SNX32: variants seen among roughly 807,000 people sequenced by gnomAD.
SNX32 encodes the protein sorting nexin-32.
SNX32 carries 58 observed loss-of-function variants against 57.0 expected under a neutral mutation model. The observed-to-expected ratio is 1.02, with a 90% CI of 0.82 to 1.27. SNX32 has a LOEUF of 1.27. SNX32 is among the 50% of genes most tolerant of loss of function. The probability of loss-of-function intolerance (pLI) is 0.00; values close to 1 mark genes in which losing one functional copy is unlikely to be tolerated. For missense variants in SNX32, 589 were observed against 541.2 expected, an observed-to-expected ratio of 1.09 and a Z score of -0.88; for synonymous variants, 262 against 220.4, an observed-to-expected ratio of 1.19 and a Z score of -1.67.
chr11:65,834,464 CTG>C (rs1238149513), intron 1 of SNX32, among the ~76,000 whole-genome samples: 2 of 144,406 alleles, frequency 1.4e-5, no homozygotes, highest in Non-Finnish European at 3.0e-5. Flanking sequence ...CTGTGTGTGT[CTG>C]TGTGTGTGCA....
At chr11:65,849,627 CAGG>C (rs777806347) in intron 2 of SNX32, 45 bp downstream of exon 2, 1 of 1,434,072 alleles carries the variant, frequency 7.0e-7, no homozygotes. Flanking sequence ...TGGCTGCCCG[CAGG>C]AGGCCTCCCC....
rs144634991 is a variant in SNX32, at chr11:65,852,773, C to A, written c.1056C>A (p.Ser352=). 6.2e-7 allele frequency: 1 copy of A among 1,609,794 alleles called. No individual in the cohort carries two copies. The change falls in exon 11 of 13, where the codon TCC becomes TCA. Residue 352 remains serine (S), a synonymous_variant. Transcript: ENST00000308342. ...QLCCQRFERL[S]DSAKQELMDF... ...GCTGCCAACGCTTCGAGCGCCTCTCCGACTCCGCCAAGCAAGGTGAGCCCG... is the reference window on the plus strand; with the variant it reads ...GCTGCCAACGCTTCGAGCGCCTCTCAGACTCCGCCAAGCAAGGTGAGCCCG...
intron 1 of SNX32, among the ~76,000 whole-genome samples, chr11:65,836,290 C>T (rs557873080): frequency 1.3e-5 from 2 of 152,124 alleles, no homozygotes; most frequent in East Asian, 1.9e-4. Context: ...AGCCTGTAAT[C>T]GCAGCACTCT....
At chr11:65,851,295 G>A (rs1859184744) in intron 7 of SNX32, 33 bp from the exon 8 acceptor site, 1 of 1,612,958 alleles carries the variant, frequency 6.2e-7, no homozygotes, top group Non-Finnish European at 8.5e-7. Flanking sequence ...ACATGCAGAT[G>A]TAGGGGCTCT....
At chr11:65,851,923 T>A (rs1859211546) in intron 9 of SNX32, among the ~76,000 whole-genome samples, 1 of 151,928 alleles carries the variant, frequency 6.6e-6, no homozygotes, top group Non-Finnish European at 1.5e-5. Context: ...CAGCGGAGGG[T>A]TGGGAGGCAC....
chr11:65,853,179 A>G, intron 12 of SNX32, 103 bp from the exon 13 acceptor site: 1 of 1,513,388 alleles, frequency 6.6e-7, no homozygotes, highest in Non-Finnish European at 9.2e-7. Context: ...CTGTTATTGC[A>G]GAGAGCAGGG....
chr11:65,837,046 T>C (rs1321402177), intron 1 of SNX32, among the ~76,000 whole-genome samples: 3 of 151,962 alleles, frequency 2.0e-5, no homozygotes, highest in African/African-American at 7.3e-5. Flanking sequence ...TGTAAATGTA[T>C]CCCAGAACTT....
chr11:65,842,827 G>A (rs951954443), intron 1 of SNX32, among the ~76,000 whole-genome samples: 1 of 149,668 alleles, frequency 6.7e-6, no homozygotes, highest in African/African-American at 2.5e-5. Context: ...GTGGGCGCCT[G>A]TAATCTCAGC....
intron 1 of SNX32, among the ~76,000 whole-genome samples, chr11:65,842,720 G>T (rs530449549): frequency 1.2e-4 from 18 of 151,450 alleles, no homozygotes; most frequent in Non-Finnish European, 1.5e-4. Flanking sequence ...GAGAACAAGG[G>T]GGGGTGGATC....
intron 1 of SNX32, among the ~76,000 whole-genome samples, chr11:65,839,223 G>GTTTTTTTGTTTTTTTTTTTTTTTT (rs755185237): frequency 1.3e-4 from 3 of 23,078 alleles, no homozygotes; most frequent in Non-Finnish European, 2.1e-4. Context: ...TAATTTTTTT[G>GTTTTTTTGTTTTTTTTTTTTTTTT]TATTTTTTTT....
chr11:65,846,456 C>T (rs778534797), intron 1 of SNX32, among the ~76,000 whole-genome samples: 49 of 151,152 alleles, frequency 3.2e-4, no homozygotes, highest in Non-Finnish European at 6.2e-4. Flanking sequence ...ATCCCAGCTA[C>T]TCGGGAGGCT....
chr11:65,849,439 C>A, intron 1 of SNX32, 39 bp from the exon 2 acceptor site: 1 of 1,515,422 alleles, frequency 6.6e-7, no homozygotes, highest in Non-Finnish European at 9.0e-7. Flanking sequence ...GGCAAAGGGG[C>A]CATGCTCAGC....
At position 65,834,021 on chromosome 11, in the gene SNX32, C is replaced by G. The variant is rs1296513581; in HGVS notation, c.-45C>G. On this transcript the variant is annotated 5_prime_UTR_variant, in exon 1 of 13. Coordinates refer to ENST00000308342, the MANE Select transcript of SNX32 (RefSeq NM_152760.3). Reference sequence around the variant, plus strand: ...TCGGGCGAGTTACGGGGACGACCTGCGGGAGCACGCGGGCAGTGGCCGGAC... The same window carrying G: ...TCGGGCGAGTTACGGGGACGACCTGGGGGAGCACGCGGGCAGTGGCCGGAC... The G allele has an allele frequency of 6.5e-7, 1 of 1,545,970 alleles. No homozygotes were observed. Among genetic ancestry groups the G allele is most frequent in the East Asian group, 2.5e-5 (1 of 40,416 alleles).
chr11:65,852,707 G>A lies in SNX32; in HGVS notation c.990G>A (p.Arg330=), dbSNP rs775510483. The A allele has an allele frequency of 1.3e-6, 2 of 1,598,948 alleles. No homozygotes were observed. The highest frequency in any genetic ancestry group is 1.7e-6 in the Non-Finnish European group (2 of 1,176,350). Residue 330 remains arginine, a synonymous_variant, in exon 11 of 13, where the codon AGG becomes AGA. Transcript: ENST00000308342. The stretch of plus-strand genomic sequence containing the variant: ...AGGCGCTGGACAAGGCGCGCACCAG[G>A]AACCGGGAGGTGCGGCCCGCCGAGA... ...ANKALDKART[R]NREVRPAESH... is the part of the protein sequence containing the mutation.
Position 65,853,356 on chromosome 11 carries a change from A to T in SNX32, c.*21A>T. The T allele has an allele frequency of 7.4e-6, 12 of 1,613,286 alleles. No homozygotes were observed. Among genetic ancestry groups the T allele is most frequent in the Admixed American group, 1.7e-5 (1 of 59,988 alleles). On this transcript the variant is annotated 3_prime_UTR_variant, in exon 13 of 13. Transcript: ENST00000308342. ...CTTAGAGTAGCCAGAGCTCAGCCAG[A>T]CCCTAATCTGGGATCTCCAGTGACC...
At chr11:65,853,053 G>A (rs779447068) in intron 12 of SNX32, 95 bp downstream of exon 12, 12 of 1,367,282 alleles carry the variant, frequency 8.8e-6, no homozygotes, top group Non-Finnish European at 1.3e-5. Flanking sequence ...ATGTGAGGGT[G>A]TGCACGCATG....
chr11:65,853,643 T>G lies in SNX32; in HGVS notation c.*308T>G. ...CTCACCCATAGCCCTGAAGGAATCA[T>G]AGCTCACTTGATCCCGGCCTGTTCT... is the stretch of plus-strand genomic sequence containing the variant. On this transcript the variant is annotated 3_prime_UTR_variant, in exon 13 of 13. Transcript: ENST00000308342. 2.2e-6 allele frequency: 1 copy of G among 462,670 alleles called. No individual in the cohort carries two copies. The highest frequency in any genetic ancestry group is 3.7e-5 in the Admixed American group (1 of 27,340). The allele number at this position is 462,670 out of a possible 1,614,324, so 28.7% of individuals were successfully genotyped here. A position where few individuals can be genotyped will look rare whatever the true frequency, so the allele number is the denominator to read the frequency against.
At chr11:65,843,566 C>G (rs1178243341) in intron 1 of SNX32, among the ~76,000 whole-genome samples, 1 of 151,908 alleles carries the variant, frequency 6.6e-6, no homozygotes, top group Non-Finnish European at 1.5e-5. Flanking sequence ...GACTCTGTCT[C>G]AAAAGAAAAA....
intron 9 of SNX32, among the ~76,000 whole-genome samples, chr11:65,852,030 T>A (rs1859215874): frequency 6.6e-6 from 1 of 151,884 alleles, no homozygotes; most frequent in Non-Finnish European, 1.5e-5. Context: ...GTCACTGGAG[T>A]GTTGCCATCT....
Sources: allele counts gnomAD v4.1 joint callset (sites outside exome capture counted in the v4.1 genomes callset), GRCh38; gene constraint gnomAD v4.1.1; transcripts MANE v1.5; gene names NCBI Gene and HGNC (gene_info 2026-07-23, HGNC 2026-07-21).